EML4: variants seen among roughly 807,000 people sequenced by gnomAD.
EML4 encodes the protein EMAP like 4.
Under a neutral mutation model 129.0 loss-of-function variants are expected in EML4, and 72 were observed. The ratio of observed to expected loss-of-function variants is 0.56; its 90% CI spans 0.46 to 0.68. The LOEUF is 0.68. Among genes scored for constraint, EML4 ranks in the 30% least tolerant of loss-of-function variants. The pLI, the probability that EML4 is intolerant of heterozygous loss-of-function variation, is 0.00. For missense variants in EML4, 1,363 were observed against 1,190.6 expected, an observed-to-expected ratio of 1.14 and a Z score of -2.13; for synonymous variants, 532 against 405.0, an observed-to-expected ratio of 1.31 and a Z score of -3.77.
intron 1 of EML4, among the ~76,000 whole-genome samples, chr2:42,222,862 A>G (rs1003591187): frequency 6.6e-6 from 1 of 152,004 alleles, no homozygotes; most frequent in African/African-American, 2.4e-5. Flanking sequence ...GCAATGGTGC[A>G]ATCTCGGCTC....
intron 2 of EML4, among the ~76,000 whole-genome samples, chr2:42,246,971 A>G (rs2104308304): frequency 6.6e-6 from 1 of 152,386 alleles, no homozygotes; most frequent in South Asian, 2.1e-4. Context: ...GAATAATTGT[A>G]GAATTGAGAG....
chr2:42,228,577 A>G (rs921707021), intron 1 of EML4, among the ~76,000 whole-genome samples: 1 of 152,230 alleles, frequency 6.6e-6, no homozygotes, highest in African/African-American at 2.4e-5. Context: ...ATAGGCCTAC[A>G]TAGTGAGCTC....
intron 1 of EML4, among the ~76,000 whole-genome samples, chr2:42,175,576 G>A (rs1434576250): frequency 6.6e-6 from 1 of 151,930 alleles, no homozygotes; most frequent in East Asian, 1.9e-4. Flanking sequence ...TTGGCTCACT[G>A]CAACTTCTGC....
intron 1 of EML4, among the ~76,000 whole-genome samples, chr2:42,189,736 G>A (rs1671472150): frequency 1.3e-5 from 2 of 152,198 alleles, no homozygotes; most frequent in South Asian, 2.1e-4. Context: ...GTGTGATAAA[G>A]CACTGAAGCC....
intron 3 of EML4, 92 bp downstream of exon 3, chr2:42,256,722 G>A: frequency 6.8e-7 from 1 of 1,468,432 alleles, no homozygotes; most frequent in South Asian, 1.3e-5. Context: ...AAATAGAGCT[G>A]TTTGAATTCA....
chr2:42,213,752 T>G (rs1159731286), intron 1 of EML4, among the ~76,000 whole-genome samples: 2 of 152,226 alleles, frequency 1.3e-5, no homozygotes, highest in African/African-American at 4.8e-5. Context: ...AATTTAATAT[T>G]TAAAATTTTT....
chr2:42,325,600 ATT>A (rs778300382), intron 20 of EML4, 46 bp downstream of exon 20: 2,032 of 125,238 alleles, frequency 0.016, 144 homozygotes, highest in Non-Finnish European at 0.023. Context: ...CTATGATTAT[ATT>A]TATATATATA....
intron 1 of EML4, among the ~76,000 whole-genome samples, chr2:42,215,835 C>A (rs1443403137): frequency 6.6e-6 from 1 of 152,188 alleles, no homozygotes; most frequent in Admixed American, 6.5e-5. Context: ...GCATACCCAG[C>A]CAAACTTTGG....
chr2:42,188,225 A>G (rs1211197048), intron 1 of EML4, among the ~76,000 whole-genome samples: 2 of 152,148 alleles, frequency 1.3e-5, no homozygotes, highest in Non-Finnish European at 2.9e-5. Flanking sequence ...TGTCTTAATT[A>G]CTATAGCTGA....
chr2:42,183,261 C>G (rs1405605996), intron 1 of EML4, among the ~76,000 whole-genome samples: 1 of 152,166 alleles, frequency 6.6e-6, no homozygotes, highest in Non-Finnish European at 1.5e-5. Flanking sequence ...GTGAACAAAA[C>G]AAAAATCCCT....
Position 42,283,571 on chromosome 2 carries a change from G to A in EML4, c.941+599G>A, listed in dbSNP as rs115179316. Among the ~76,000 whole-genome samples the A allele has an allele frequency of 2.5e-3, 373 of 152,074 alleles. 2 individuals carry two copies. The highest frequency in any genetic ancestry group is 2.3e-3 in the Non-Finnish European group (155 of 67,970). On this transcript the variant is annotated intron_variant, in intron 8 of 22. Coordinates refer to ENST00000318522, the MANE Select transcript of EML4 (RefSeq NM_019063.5). ...TTTTCCCCACTTAGATCCAAGGACT[G>A]ACTGGATGTTTTCCAACATTTAAAA...
chr2:42,194,786 C>T (rs1671804611), intron 1 of EML4, among the ~76,000 whole-genome samples: 1 of 152,092 alleles, frequency 6.6e-6, no homozygotes, highest in South Asian at 2.1e-4. Context: ...GCTGGGATTA[C>T]AGGAGTGAGC....
At chr2:42,220,806 G>C (rs964990706) in intron 1 of EML4, among the ~76,000 whole-genome samples, 2 of 152,178 alleles carry the variant, frequency 1.3e-5, no homozygotes, top group African/African-American at 4.8e-5. Context: ...GTGAACATAT[G>C]AATGATAAAG....
chr2:42,181,678 C>G lies in EML4; in HGVS notation c.25+12042C>G, dbSNP rs180711625. The stretch of plus-strand genomic sequence containing the variant: ...TTGACCCTGTTTTGGCAAGTAGATA[C>G]CCCTCTAAACTGTCTTCTTTGTTCT... On this transcript the variant is annotated intron_variant, in intron 1 of 22. Transcript: ENST00000318522. 2.2e-4 allele frequency among the ~76,000 whole-genome samples: 33 copies of G among 152,222 alleles called. No homozygotes were observed. The East Asian group carries it at 2.9e-3, about 13-fold the overall frequency.
At chr2:42,265,225 A>G (rs1029366378) in intron 6 of EML4, among the ~76,000 whole-genome samples, 4 of 139,300 alleles carry the variant, frequency 2.9e-5, no homozygotes, top group Non-Finnish European at 4.5e-5. Context: ...GCTGGGGACT[A>G]TAGGCACCAC....
intron 17 of EML4, among the ~76,000 whole-genome samples, chr2:42,310,565 T>G (rs1260389866): frequency 6.6e-6 from 1 of 152,154 alleles, no homozygotes; most frequent in Non-Finnish European, 1.5e-5. Flanking sequence ...AAGCTGGTCT[T>G]GAACTCCTGA....
chr2:42,262,681 T>C (rs1248316554), intron 4 of EML4, among the ~76,000 whole-genome samples: 3 of 152,226 alleles, frequency 2.0e-5, no homozygotes, highest in Non-Finnish European at 4.4e-5. Context: ...TAAAGTCTTG[T>C]TTATTTCTGA....
intron 17 of EML4, among the ~76,000 whole-genome samples, chr2:42,313,855 G>C (rs965604607): frequency 6.6e-6 from 1 of 151,826 alleles, no homozygotes; most frequent in Non-Finnish European, 1.5e-5. Context: ...CTTGAACCCG[G>C]AGGCGGAGGT....
In EML4 at chr2:42,328,939, C is replaced by T; in HGVS notation, c.2395C>T (p.His799Tyr). ...AGATATCAATGCACTGGTGCGATCC[C>T]ACAATAGAAAGGTGATAGCTGTTGC... ...GTDINALVRS[H>Y]NRKVIAVADD... is the part of the protein sequence containing the mutation. Residue 799 changes from histidine to tyrosine, a missense_variant, in exon 22 of 23, where the codon CAC (histidine) becomes TAC (tyrosine). Physicochemically the swap from His to Tyr is moderately conservative, Grantham distance 83 (BLOSUM62 2). Coordinates refer to ENST00000318522, the MANE Select transcript of EML4 (RefSeq NM_019063.5). The T allele has an allele frequency of 1.2e-6, 2 of 1,613,566 alleles. No homozygotes were observed. Among genetic ancestry groups the T allele is most frequent in the Non-Finnish European group, 1.7e-6 (2 of 1,179,796 alleles).
Sources: gnomAD v4.1 joint callset for allele counts (sites outside exome capture counted in the v4.1 genomes callset) on GRCh38, gnomAD v4.1.1 for gene constraint, MANE v1.5 for transcripts, NCBI Gene and HGNC (gene_info 2026-07-23, HGNC 2026-07-21) for gene names.